The following DMD variants were observed in gnomAD, a reference collection of about 807,000 sequenced individuals.
DMD encodes mutant dystrophin.
Under a neutral mutation model 330.1 loss-of-function variants are expected in DMD, and 63 were observed. The ratio of observed to expected loss-of-function variants is 0.19; its 90% CI spans 0.16 to 0.24. The LOEUF (loss-of-function observed/expected upper bound fraction) is 0.24. Ranked by LOEUF, DMD falls within the 10% of genes least tolerant of loss-of-function variation. The probability of loss-of-function intolerance (pLI) is 1.00; values close to 1 mark genes in which losing one functional copy is unlikely to be tolerated. For missense variants in DMD, 3,344 were observed against 2,684.1 expected (o/e 1.25, Z -5.43); for synonymous variants, 1,223 against 959.8 (o/e 1.27, Z -5.07).
In DMD at chrX:31,456,836, A is replaced by ATGTGTGTGTGTG. The variant is rs5901988; in HGVS notation, c.8938-12221_8938-12210dup. ...TCCACTAGATACTGTGCCCACATAT[A>ATGTGTGTGTGTG]TGTGTGTGTGTGTGTGTGTGTGTGT... On this transcript the variant is annotated intron_variant, in intron 59 of 78. Coordinates refer to ENST00000357033, the MANE Select transcript of DMD (RefSeq NM_004006.3). Among the ~76,000 whole-genome samples, 408 of 83,224 alleles carry ATGTGTGTGTGTG rather than the reference A, an allele frequency of 4.9e-3. 5 individuals carry two copies. The highest frequency in any genetic ancestry group is 0.016 in the African/African-American group (349 of 21,420). 72.3% of individuals were successfully genotyped at this position (83,224 alleles called of 115,157 possible).
chrX:31,201,988 T>G (rs2043524961), intron 67 of DMD, among the ~76,000 whole-genome samples: 2 of 109,745 alleles, frequency 1.8e-5, no homozygotes, highest in Non-Finnish European at 3.8e-5. Flanking sequence ...AGATCAGGAG[T>G]TTGAGCTCAG....
intron 2 of DMD, among the ~76,000 whole-genome samples, chrX:32,898,068 C>A (rs2085892855): frequency 8.9e-6 from 1 of 111,961 alleles, no homozygotes; most frequent in South Asian, 3.7e-4. Flanking sequence ...ATTTGAGCCT[C>A]CACGTAAGTC....
chrX:31,419,890 G>A (rs1234184334), intron 60 of DMD, among the ~76,000 whole-genome samples: 1 of 111,890 alleles, frequency 8.9e-6, no homozygotes, highest in African/African-American at 3.3e-5. Context: ...GGAGCAAGGT[G>A]TGATACGAGA....
intron 29 of DMD, among the ~76,000 whole-genome samples, chrX:32,412,832 A>G (rs1317180157): frequency 9.0e-6 from 1 of 111,402 alleles, no homozygotes; most frequent in Non-Finnish European, 1.9e-5. Flanking sequence ...TTTTAAGATG[A>G]TCTTGGTTTT....
chrX:31,531,422 G>A (rs1442864586), intron 55 of DMD, among the ~76,000 whole-genome samples: 2 of 47,488 alleles, frequency 4.2e-5, no homozygotes, highest in Non-Finnish European at 7.3e-5. Flanking sequence ...TTCTCTGATG[G>A]CCAGTGATGA....
At chrX:31,841,710 A>G (rs760847784) in intron 48 of DMD, among the ~76,000 whole-genome samples, 2 of 112,375 alleles carry the variant, frequency 1.8e-5, no homozygotes, top group Admixed American at 9.4e-5. Flanking sequence ...GGGAACAACA[A>G]AGCCTGGATG....
intron 41 of DMD, among the ~76,000 whole-genome samples, chrX:32,329,516 G>A (rs1038436168): frequency 2.7e-5 from 3 of 111,078 alleles, no homozygotes; most frequent in African/African-American, 6.5e-5. Flanking sequence ...TATATGAAGA[G>A]GACTAGATCT....
intron 57 of DMD, among the ~76,000 whole-genome samples, chrX:31,484,423 A>G (rs1165768655): frequency 8.9e-6 from 1 of 111,971 alleles, no homozygotes; most frequent in East Asian, 2.8e-4. Flanking sequence ...GAATCCCTTG[A>G]ACAGATAAAA....
At chrX:32,071,012 G>A (rs944639059) in intron 44 of DMD, among the ~76,000 whole-genome samples, 17 of 111,432 alleles carry the variant, frequency 1.5e-4, no homozygotes, top group Non-Finnish European at 5.6e-5. Flanking sequence ...TTTTATGGCT[G>A]CACAGTATTC....
At chrX:32,473,511 C>G (rs1354948457) in intron 21 of DMD, among the ~76,000 whole-genome samples, 1 of 111,279 alleles carries the variant, frequency 9.0e-6, no homozygotes, top group Non-Finnish European at 1.9e-5. Context: ...ATTTTAATTG[C>G]TGGGATATGA....
chrX:33,201,713 A>C (rs939227979), intron 1 of DMD, among the ~76,000 whole-genome samples: 10 of 112,642 alleles, frequency 8.9e-5, no homozygotes, highest in Non-Finnish European at 5.6e-5. Flanking sequence ...TATGCCAAGT[A>C]CTATTCAGAA....
At chrX:31,214,937 C>CTTTTTTTTTTTTTTTTTTTTTTT (rs761569710) in intron 64 of DMD, among the ~76,000 whole-genome samples, 3 of 38,101 alleles carry the variant, frequency 7.9e-5, no homozygotes, top group Admixed American at 4.2e-4. Context: ...TTTCTTTTTT[C>CTTTTTTTTTTTTTTTTTTTTTTT]TTTTTTTTTT....
intron 60 of DMD, among the ~76,000 whole-genome samples, chrX:31,373,778 C>A (rs372329340): frequency 0.013 from 1,416 of 110,200 alleles, 30 homozygotes; most frequent in African/African-American, 0.042. Flanking sequence ...TTCATGTCTA[C>A]AACACCAAAA....
intron 63 of DMD, among the ~76,000 whole-genome samples, 163 bp downstream of exon 63, chrX:31,260,792 A>G (rs2050433179): frequency 1.8e-5 from 2 of 112,144 alleles, no homozygotes; most frequent in Admixed American, 9.4e-5. Flanking sequence ...CCTCTGATAA[A>G]AAGAAAGCTG....
At chrX:33,209,126 T>C (rs1222221914) in intron 1 of DMD, among the ~76,000 whole-genome samples, 1 of 111,290 alleles carries the variant, frequency 9.0e-6, no homozygotes, top group Admixed American at 9.6e-5. Flanking sequence ...GCCAACACCT[T>C]TTTCCCCTTA....
intron 4 of DMD, among the ~76,000 whole-genome samples, chrX:32,834,133 T>G (rs2079397609): frequency 9.0e-6 from 1 of 111,588 alleles, no homozygotes; most frequent in Non-Finnish European, 1.9e-5. Context: ...AGTCACGGAA[T>G]CATTTGGCAA....
intron 63 of DMD, among the ~76,000 whole-genome samples, chrX:31,247,524 C>T (rs1395296864): frequency 1.9e-5 from 2 of 107,334 alleles, no homozygotes; most frequent in East Asian, 5.7e-4. Context: ...CACTTGAACC[C>T]AGGAAGGCAG....
At chrX:32,664,368 A>C (rs898146974) in intron 9 of DMD, among the ~76,000 whole-genome samples, 1 of 107,764 alleles carries the variant, frequency 9.3e-6, no homozygotes, top group Non-Finnish European at 1.9e-5. Context: ...CAGCCTCCCG[A>C]GTAGCTGGGA....
intron 16 of DMD, among the ~76,000 whole-genome samples, chrX:32,558,722 TTA>T (rs2050605305): frequency 9.0e-6 from 1 of 111,040 alleles, no homozygotes; most frequent in Non-Finnish European, 1.9e-5. Context: ...TCCTTTAAAT[TTA>T]TAAATAAAGA....
Sources: allele counts gnomAD v4.1 joint callset (sites outside exome capture counted in the v4.1 genomes callset), GRCh38; gene constraint gnomAD v4.1.1; transcripts MANE v1.5; gene names NCBI Gene and HGNC (gene_info 2026-07-23, HGNC 2026-07-21).